The following GPC3 variants were observed in gnomAD, a reference collection of about 807,000 sequenced individuals.
The protein encoded by GPC3 is glypican-3.
In GPC3, 3 loss-of-function variants were observed where a neutral mutation model predicts 34.4. That is an observed-to-expected ratio of 0.09 (90% CI 0.04 to 0.23). The LOEUF (loss-of-function observed/expected upper bound fraction) is 0.23. Ranked by LOEUF, GPC3 falls within the 10% of genes least tolerant of loss-of-function variation. The pLI, the probability that GPC3 is intolerant of heterozygous loss-of-function variation, is 1.00. For missense variants in GPC3, 351 were observed against 445.6 expected, an observed-to-expected ratio of 0.79 and a Z score of 1.91; for synonymous variants, 177 against 174.0, an observed-to-expected ratio of 1.02 and a Z score of -0.13.
chrX:133,756,108 T>C lies in GPC3; in HGVS notation c.338-1932A>G, dbSNP rs148633010. Among the ~76,000 whole-genome samples, 612 of 112,306 alleles carry C rather than the reference T, an allele frequency of 5.4e-3. 5 individuals carry two copies. The highest frequency in any genetic ancestry group is 0.014 in the Middle Eastern group (3 of 216). On this transcript the variant is annotated intron_variant, in intron 2 of 7. Transcript: ENST00000370818. ...AAATATTCTCAAGTATATTATGGCA[T>C]CTACTTTTTACAACAATCTTTTAAG...
chrX:133,962,474 T>G (rs1451537871), intron 1 of GPC3, among the ~76,000 whole-genome samples: 1 of 111,961 alleles, frequency 8.9e-6, no homozygotes, highest in Non-Finnish European at 1.9e-5. Flanking sequence ...TAATTGATGC[T>G]ACTAGAGCAA....
chrX:133,550,052 G>C (rs1051916071), intron 7 of GPC3, among the ~76,000 whole-genome samples: 4 of 108,074 alleles, frequency 3.7e-5, no homozygotes, highest in Admixed American at 1.0e-4. Flanking sequence ...TTTCACTCTT[G>C]TTGCCCAGGC....
rs189754544 is a variant in GPC3 at position 133,793,901 on chromosome X, T to C, written c.338-39725A>G. Among the ~76,000 whole-genome samples the C allele has an allele frequency of 4.7e-3, 524 of 111,835 alleles. 4 individuals are homozygous for C. Among genetic ancestry groups the C allele is most frequent in the African/African-American group, 0.016 (496 of 30,764 alleles). Reference sequence around the variant, plus strand: ...GAGGTGAAAAGAAAGAGCTGGTCCATCTTGTGCTGTCAGAGGTGATCATTT... The same window carrying C: ...GAGGTGAAAAGAAAGAGCTGGTCCACCTTGTGCTGTCAGAGGTGATCATTT... On this transcript the variant is annotated intron_variant, in intron 2 of 7. Coordinates refer to ENST00000370818, the MANE Select transcript of GPC3 (RefSeq NM_004484.4).
At chrX:133,793,267 T>C (rs1043274356) in intron 2 of GPC3, among the ~76,000 whole-genome samples, 4 of 111,671 alleles carry the variant, frequency 3.6e-5, no homozygotes, top group Admixed American at 2.8e-4. Context: ...TGCTATAGTA[T>C]TAAAGGTGTG....
chrX:133,931,526 T>C lies in GPC3; in HGVS notation c.337+21524A>G, dbSNP rs762369836. On this transcript the variant is annotated intron_variant, in intron 2 of 7. Transcript: ENST00000370818. ...GAAGGAGGGGGCAGAAGATAGGACA[T>C]GAACAAGTTGCTTACCCTCTCTGAG... 8.1e-5 allele frequency among the ~76,000 whole-genome samples: 9 copies of C among 111,295 alleles called. No individual in the cohort carries two copies. In the East Asian group the frequency reaches 2.6e-3, roughly 32 times the overall value.
At chrX:133,656,583 T>A (rs896543100) in intron 6 of GPC3, among the ~76,000 whole-genome samples, 1 of 112,558 alleles carries the variant, frequency 8.9e-6, no homozygotes, top group African/African-American at 3.2e-5. Context: ...TGTAAACATA[T>A]GGCAGAATTA....
chrX:133,794,934 T>C (rs938986072), intron 2 of GPC3, among the ~76,000 whole-genome samples: 2 of 112,486 alleles, frequency 1.8e-5, no homozygotes, highest in Non-Finnish European at 3.8e-5. Flanking sequence ...AAAATATCTG[T>C]CCATTTGTCT....
intron 2 of GPC3, chrX:133,762,647 A>G (rs1211352359): frequency 7.1e-6 from 2 of 279,941 alleles, no homozygotes; most frequent in African/African-American, 5.5e-5. Context: ...ATAAATGCAA[A>G]TCAAAACTTC....
intron 3 of GPC3, among the ~76,000 whole-genome samples, chrX:133,714,697 G>A (rs890886354): frequency 1.8e-5 from 2 of 111,941 alleles, no homozygotes; most frequent in African/African-American, 6.5e-5. Context: ...TAAAAGCAAT[G>A]AGAAAATTGG....
At chrX:133,658,226 A>C (rs1054828088) in intron 6 of GPC3, among the ~76,000 whole-genome samples, 1 of 112,251 alleles carries the variant, frequency 8.9e-6, no homozygotes, top group Non-Finnish European at 1.9e-5. Context: ...CAGTATGTCT[A>C]TACAGCCATT....
At chrX:133,641,985 A>G (rs942358341) in intron 6 of GPC3, among the ~76,000 whole-genome samples, 10 of 111,579 alleles carry the variant, frequency 9.0e-5, no homozygotes, top group South Asian at 3.8e-4. Flanking sequence ...TGCATGCTAC[A>G]TTTGGAATCA....
intron 2 of GPC3, among the ~76,000 whole-genome samples, chrX:133,839,480 T>C (rs2075814110): frequency 1.8e-5 from 2 of 111,586 alleles, no homozygotes; most frequent in African/African-American, 6.5e-5. Context: ...TGGTCAATTA[T>C]ACCTCAATAA....
chrX:133,573,158 T>C (rs1230160455), intron 7 of GPC3, among the ~76,000 whole-genome samples: 1 of 111,693 alleles, frequency 9.0e-6, no homozygotes, highest in Non-Finnish European at 1.9e-5. Flanking sequence ...AAAAAAATCC[T>C]ACATGATTAT....
At chrX:133,550,030 T>C (rs946716744) in intron 7 of GPC3, among the ~76,000 whole-genome samples, 1 of 109,518 alleles carries the variant, frequency 9.1e-6, no homozygotes, top group Non-Finnish European at 1.9e-5. Context: ...TTTTGTTTTT[T>C]TTTAGACAGA....
chrX:133,763,154 A>G, intron 2 of GPC3: 1 of 734,909 alleles, frequency 1.4e-6, no homozygotes, highest in Non-Finnish European at 2.1e-6. Flanking sequence ...CAGGAGCCGC[A>G]GCTTCTTGTG....
At chrX:133,571,922 G>C (rs1423202960) in intron 7 of GPC3, among the ~76,000 whole-genome samples, 1 of 111,892 alleles carries the variant, frequency 8.9e-6, no homozygotes, top group Non-Finnish European at 1.9e-5. Context: ...AAGGACATGG[G>C]GGAAGGGATT....
chrX:133,702,163 G>A (rs1204271055), intron 3 of GPC3, among the ~76,000 whole-genome samples: 1 of 111,813 alleles, frequency 8.9e-6, no homozygotes, highest in African/African-American at 3.3e-5. Context: ...CTGGACTGGG[G>A]AGTTAAGTTC....
chrX:133,935,936 G>A (rs1002395889), intron 2 of GPC3, among the ~76,000 whole-genome samples: 10 of 109,808 alleles, frequency 9.1e-5, no homozygotes, highest in African/African-American at 3.0e-4. Context: ...TTCTTGAGAC[G>A]GGGTCTCGCT....
intron 2 of GPC3, among the ~76,000 whole-genome samples, chrX:133,872,474 G>T (rs965266712): frequency 9.0e-6 from 1 of 111,453 alleles, no homozygotes; most frequent in Non-Finnish European, 1.9e-5. Context: ...AACAAACAGT[G>T]CTGGAGCTTG....
Sources: gnomAD v4.1 joint callset for allele counts (sites outside exome capture counted in the v4.1 genomes callset) on GRCh38, gnomAD v4.1.1 for gene constraint, MANE v1.5 for transcripts, NCBI Gene and HGNC (gene_info 2026-07-23, HGNC 2026-07-21) for gene names.